Variants in RAMP1 observed in about 807,000 individuals in gnomAD.
RAMP1 encodes the protein receptor activity modifying protein 1.
Under a neutral mutation model 8.2 loss-of-function variants are expected in RAMP1, and 7 were observed. That is an observed-to-expected ratio of 0.85 (90% CI 0.49 to 1.60). RAMP1 has a LOEUF of 1.60. Among genes scored for constraint, RAMP1 ranks in the 40% most tolerant of loss-of-function variants. RAMP1 has a pLI of 0.00. For synonymous variants in RAMP1, 92 were observed against 84.7 expected (o/e 1.09, Z -0.47); for missense variants, 192 against 202.4 (o/e 0.95, Z 0.31).
chr2:237,884,418 G>GT (rs2062406580), intron 2 of RAMP1, among the ~76,000 whole-genome samples: 1 of 152,212 alleles, frequency 6.6e-6, no homozygotes, highest in Non-Finnish European at 1.5e-5. Context: ...TCCTATGGGT[G>GT]TAGGGGAGGG....
chr2:237,892,967 T>A (rs1216952698), intron 2 of RAMP1, among the ~76,000 whole-genome samples: 1 of 152,266 alleles, frequency 6.6e-6, no homozygotes, highest in Non-Finnish European at 1.5e-5. Flanking sequence ...TGCAAATAGG[T>A]TGTTAATTCA....
At chr2:237,896,369 T>G (rs1427254355) in intron 2 of RAMP1, among the ~76,000 whole-genome samples, 3 of 152,306 alleles carry the variant, frequency 2.0e-5, no homozygotes, top group African/African-American at 7.2e-5. Flanking sequence ...AACCTCTCGC[T>G]TCTCCCAGCA....
chr2:237,888,252 A>G (rs1168821724), intron 2 of RAMP1, among the ~76,000 whole-genome samples: 2 of 152,100 alleles, frequency 1.3e-5, no homozygotes, highest in African/African-American at 4.8e-5. Flanking sequence ...ACAGGGTTTC[A>G]CTATGTTGGC....
At chr2:237,886,521 C>T (rs1221257518) in intron 2 of RAMP1, among the ~76,000 whole-genome samples, 1 of 152,146 alleles carries the variant, frequency 6.6e-6, no homozygotes, top group Non-Finnish European at 1.5e-5. Flanking sequence ...TCTGTGAGGA[C>T]CCACAGAGAG....
intron 2 of RAMP1, among the ~76,000 whole-genome samples, chr2:237,884,736 C>T (rs1041169015): frequency 1.3e-5 from 2 of 152,196 alleles, no homozygotes; most frequent in African/African-American, 4.8e-5. Context: ...GGGATGCCTC[C>T]GTCCCTCTGC....
At chr2:237,880,736 A>C (rs1195118821) in intron 2 of RAMP1, among the ~76,000 whole-genome samples, 1 of 152,194 alleles carries the variant, frequency 6.6e-6, no homozygotes, top group Non-Finnish European at 1.5e-5. Flanking sequence ...CGTGCTGGTA[A>C]GGCCTTACCA....
intron 1 of RAMP1, chr2:237,860,041 A>G: frequency 8.2e-6 from 2 of 244,386 alleles, no homozygotes; most frequent in Non-Finnish European, 7.9e-6. Context: ...TAGTTTTCAG[A>G]AGGAAAAACA....
At chr2:237,883,863 C>T (rs1309913956) in intron 2 of RAMP1, among the ~76,000 whole-genome samples, 1 of 149,554 alleles carries the variant, frequency 6.7e-6, no homozygotes, top group Non-Finnish European at 1.5e-5. Context: ...AGAGGCTCCT[C>T]CTCTGCACAG....
intron 2 of RAMP1, among the ~76,000 whole-genome samples, chr2:237,882,906 AGCCAGGTG>A (rs1432393497): frequency 6.6e-6 from 1 of 152,084 alleles, no homozygotes; most frequent in African/African-American, 2.4e-5. Context: ...GCAGCCAGAC[AGCCAGGTG>A]GCTGGCCTCA....
rs1285774178 is a variant in RAMP1, at chr2:237,872,887, G to A, written c.53-4337G>A. On this transcript the variant is annotated intron_variant, in intron 1 of 2. Coordinates refer to ENST00000254661, the MANE Select transcript of RAMP1 (RefSeq NM_005855.4). Reference sequence around the variant, plus strand: ...ATAGAAAAATTAGCTGGGTGTGGTGGCATGTGCCTCTGGTCCCAGCTACTT... The same window carrying A: ...ATAGAAAAATTAGCTGGGTGTGGTGACATGTGCCTCTGGTCCCAGCTACTT... Among the ~76,000 whole-genome samples the A allele has an allele frequency of 7.9e-5, 12 of 152,344 alleles. No homozygotes were observed. The South Asian group carries it at 2.3e-3, about 29-fold the overall frequency.
chr2:237,866,360 T>C (rs2062187067), intron 1 of RAMP1, among the ~76,000 whole-genome samples: 1 of 152,212 alleles, frequency 6.6e-6, no homozygotes, highest in Non-Finnish European at 1.5e-5. Flanking sequence ...TTTTTTATTT[T>C]AGTTTTTTTG....
At chr2:237,859,824 G>T in intron 1 of RAMP1, 97 bp downstream of exon 1, 15 of 1,123,492 alleles carry the variant, frequency 1.3e-5, no homozygotes, top group Non-Finnish European at 1.6e-5. Context: ...GGGTGGGAGC[G>T]GGTGGGGGCG....
At chr2:237,898,537 C>T (rs2062566226) in intron 2 of RAMP1, among the ~76,000 whole-genome samples, 1 of 152,216 alleles carries the variant, frequency 6.6e-6, no homozygotes, top group Admixed American at 6.5e-5. Context: ...GCTGGCCCAG[C>T]ACACATTTCC....
chr2:237,882,201 C>T (rs970964779), intron 2 of RAMP1, among the ~76,000 whole-genome samples: 2 of 152,198 alleles, frequency 1.3e-5, no homozygotes, highest in African/African-American at 4.8e-5. Flanking sequence ...CTTCCCTGTG[C>T]ACTTGGCCCG....
Position 237,877,019 on chromosome 2 carries a change from C to T in RAMP1, c.53-205C>T, listed in dbSNP as rs2062312984. Among the ~76,000 whole-genome samples the T allele has an allele frequency of 6.6e-6, 1 of 152,208 alleles. No individual in the cohort carries two copies. Among genetic ancestry groups the T allele is most frequent in the South Asian group, 2.1e-4 (1 of 4,828 alleles). On this transcript the variant is annotated intron_variant, in intron 1 of 2. Transcript: ENST00000254661. This position sits in a 1 kb window ranked among gnomAD's most constrained non-coding sequence, Gnocchi z 4.4. ...CTGGCACGGGCACTGAGGGCCAAGC[C>T]ACCCTTAGCAGGCAGGGAGGGCCTT...
chr2:237,872,467 C>T (rs1306376164), intron 1 of RAMP1, among the ~76,000 whole-genome samples: 1 of 152,182 alleles, frequency 6.6e-6, no homozygotes. Flanking sequence ...GAGGCAGACA[C>T]CCTGAGGAAG....
chr2:237,884,554 A>C (rs1302778908), intron 2 of RAMP1, among the ~76,000 whole-genome samples: 1 of 152,106 alleles, frequency 6.6e-6, no homozygotes, highest in Non-Finnish European at 1.5e-5. Flanking sequence ...TTGATTTAAG[A>C]GGGAAGGGGA....
intron 1 of RAMP1, among the ~76,000 whole-genome samples, chr2:237,869,336 G>T (rs980418173): frequency 1.3e-5 from 2 of 152,146 alleles, no homozygotes; most frequent in Non-Finnish European, 2.9e-5. Flanking sequence ...ACAGTTCTAT[G>T]CCACTAAGCA....
chr2:237,893,288 C>T (rs551093063), intron 2 of RAMP1, among the ~76,000 whole-genome samples: 4 of 152,228 alleles, frequency 2.6e-5, no homozygotes, highest in Non-Finnish European at 5.9e-5. Flanking sequence ...CCTCCTCCTT[C>T]CTGGCGTGGT....
Sources: allele counts gnomAD v4.1 joint callset (sites outside exome capture counted in the v4.1 genomes callset), GRCh38; gene constraint gnomAD v4.1.1; non-coding constraint Gnocchi (gnomAD v3.1); transcripts MANE v1.5; gene names NCBI Gene and HGNC (gene_info 2026-07-23, HGNC 2026-07-21).